Variants in USP48 observed in about 807,000 individuals in gnomAD.
USP48 encodes ubiquitin carboxyl-terminal hydrolase 48.
Under a neutral mutation model 150.7 loss-of-function variants are expected in USP48, and 43 were observed. That is an observed-to-expected ratio of 0.29 (90% CI 0.22 to 0.37). The LOEUF (loss-of-function observed/expected upper bound fraction) is 0.37. Ranked by LOEUF, USP48 falls within the 10% of genes least tolerant of loss-of-function variation. The probability of loss-of-function intolerance (pLI) is 1.00; values close to 1 mark genes in which losing one functional copy is unlikely to be tolerated. For missense variants in USP48, 813 were observed against 1,249.6 expected (o/e 0.65, Z 5.27); for synonymous variants, 396 against 425.9 (o/e 0.93, Z 0.86).
At position 21,706,731 on chromosome 1, in the gene USP48, T is replaced by C. The variant is rs377290280; in HGVS notation, c.2088+13A>G. The stretch of plus-strand genomic sequence containing the variant: ...GGCATGCCATTTCCCCAGATGTCAG[T>C]AGCGTTCAGTACCTTGCACTGTGAA... On this transcript the variant is annotated intron_variant, in intron 16 of 26. Transcript: ENST00000308271. The C allele has an allele frequency of 3.1e-6, 5 of 1,611,524 alleles. No homozygotes were observed. The African/African-American group carries it at 6.7e-5, about 22-fold the overall frequency.
intron 12 of USP48, 151 bp downstream of exon 12, chr1:21,723,747 A>G: frequency 1.4e-6 from 1 of 714,954 alleles, no homozygotes; most frequent in Non-Finnish European, 2.3e-6. Flanking sequence ...CTTAACTTCT[A>G]CTTTATTTAG....
At chr1:21,729,632 T>G in intron 10 of USP48, 72 bp downstream of exon 10, 1 of 1,541,090 alleles carries the variant, frequency 6.5e-7, no homozygotes, top group Non-Finnish European at 8.8e-7. Flanking sequence ...AAGCAATCCA[T>G]TACTTATCAT....
Position 21,729,007 on chromosome 1 carries a change from G to A in USP48, c.1301-288C>T, listed in dbSNP as rs573429871. ...CACTTTAGAATAGATGACGCCAGGC[G>A]GGCGCAGTGGCTCATACCTGTAATC... On this transcript the variant is annotated intron_variant, in intron 10 of 26. Coordinates refer to ENST00000308271, the MANE Select transcript of USP48 (RefSeq NM_032236.8). 4.6e-5 allele frequency among the ~76,000 whole-genome samples: 7 copies of A among 152,238 alleles called. No homozygotes were observed. In the East Asian group the frequency reaches 5.8e-4, roughly 13 times the overall value.
intron 1 of USP48, chr1:21,768,424 G>C (rs961276572): frequency 1.3e-5 from 2 of 152,830 alleles, no homozygotes; most frequent in Admixed American, 1.3e-4. Flanking sequence ...CCCTCACACA[G>C]AACCACAAGG....
At chr1:21,701,288 C>T (rs926791729) in intron 22 of USP48, among the ~76,000 whole-genome samples, 2 of 150,858 alleles carry the variant, frequency 1.3e-5, no homozygotes, top group Non-Finnish European at 3.0e-5. Context: ...ATCATTTAAA[C>T]CCAGGAGGCG....
intron 1 of USP48, among the ~76,000 whole-genome samples, chr1:21,774,850 G>C (rs1011118117): frequency 4.0e-5 from 6 of 151,730 alleles, no homozygotes; most frequent in Admixed American, 6.6e-5. Flanking sequence ...AATTAGCCAA[G>C]CATGGTGGCC....
intron 3 of USP48, among the ~76,000 whole-genome samples, chr1:21,753,490 G>A (rs895183469): frequency 6.6e-6 from 1 of 150,654 alleles, no homozygotes; most frequent in Admixed American, 6.6e-5. Flanking sequence ...GGGAGGAAGA[G>A]GCTGCAGTGA....
At chr1:21,706,960 C>A in intron 15 of USP48, 92 bp from the exon 16 acceptor site, 1 of 1,380,658 alleles carries the variant, frequency 7.2e-7, no homozygotes, top group South Asian at 1.4e-5. Context: ...GAAAAATCCA[C>A]AGGTACGCTT....
chr1:21,724,322 C>A, intron 11 of USP48: 1 of 604,586 alleles, frequency 1.7e-6, no homozygotes, highest in South Asian at 2.0e-5. Context: ...CTGCACAGTG[C>A]CCTATGAGAT....
At chr1:21,753,635 T>A (rs2152590603) in intron 3 of USP48, among the ~76,000 whole-genome samples, 1 of 151,710 alleles carries the variant, frequency 6.6e-6, no homozygotes, top group Admixed American at 6.6e-5. Flanking sequence ...AAGACCAGCC[T>A]GGCCAACATG....
chr1:21,740,941 T>C (rs1240874687), intron 8 of USP48, among the ~76,000 whole-genome samples: 2 of 152,082 alleles, frequency 1.3e-5, no homozygotes, highest in East Asian at 3.8e-4. Flanking sequence ...AAGTACAAGG[T>C]AGAGCTGAAG....
chr1:21,704,406 A>G lies in USP48; in HGVS notation c.2385-14T>C. 1 of 1,587,514 alleles carries G rather than the reference A, an allele frequency of 6.3e-7. No individual in the cohort carries two copies. The highest frequency in any genetic ancestry group is 1.2e-5 in the South Asian group (1 of 85,496). On this transcript the variant is annotated splice_polypyrimidine_tract_variant and intron_variant, in intron 19 of 26. Coordinates refer to ENST00000308271, the MANE Select transcript of USP48 (RefSeq NM_032236.8). Reference sequence around the variant, plus strand: ...ATGAGAGCTATACTGTGCAAAAAAAAAACACAACATGCCTTAAGACACATG... The same window carrying G: ...ATGAGAGCTATACTGTGCAAAAAAAGAACACAACATGCCTTAAGACACATG...
At chr1:21,704,536 A>C in intron 19 of USP48, 144 bp from the exon 20 acceptor site, 3 of 912,192 alleles carry the variant, frequency 3.3e-6, no homozygotes, top group Non-Finnish European at 4.6e-6. Context: ...ATCATCAACA[A>C]AGAATAGTTT....
intron 1 of USP48, among the ~76,000 whole-genome samples, chr1:21,767,809 A>C (rs1394176334): frequency 6.6e-6 from 1 of 152,214 alleles, no homozygotes; most frequent in African/African-American, 2.4e-5. Flanking sequence ...ATGATAATAT[A>C]AATTCTAGGT....
chr1:21,706,655 C>T (rs1331869548), intron 16 of USP48, 66 bp from the exon 17 acceptor site: 1 of 1,612,564 alleles, frequency 6.2e-7, no homozygotes, highest in Non-Finnish European at 8.5e-7. Context: ...CTCCCTACAC[C>T]CCCGTCAGAA....
Position 21,758,486 on chromosome 1 carries a change from G to A in USP48, c.135-703C>T, listed in dbSNP as rs115651098. Among the ~76,000 whole-genome samples the A allele has an allele frequency of 5.1e-3, 779 of 152,230 alleles. 6 individuals are homozygous for A. Among genetic ancestry groups the A allele is most frequent in the African/African-American group, 0.016 (654 of 41,546 alleles). On this transcript the variant is annotated intron_variant, in intron 1 of 26. Transcript: ENST00000308271. The stretch of plus-strand genomic sequence containing the variant: ...TAAAAGAAAATACACCTTTTCGGCC[G>A]GACACAGTGGCTCACACCTGCAATC...
chr1:21,698,874 G>A (rs763744204), intron 22 of USP48, among the ~76,000 whole-genome samples: 8 of 151,734 alleles, frequency 5.3e-5, no homozygotes, highest in African/African-American at 7.3e-5. Context: ...CAGCCTGGAC[G>A]ACAGAGCAAT....
chr1:21,713,035 TCTCCCTCACTCCCTTTCTCATTCC>T (rs1421403276), intron 15 of USP48, among the ~76,000 whole-genome samples: 4 of 152,092 alleles, frequency 2.6e-5, no homozygotes, highest in East Asian at 1.9e-4. Flanking sequence ...TTTCTTCCTC[TCTCCCTCACTCCCTTTCTCATTCC>T]CTCCCTCCCT....
At chr1:21,771,202 C>G (rs1053935517) in intron 1 of USP48, among the ~76,000 whole-genome samples, 2 of 151,598 alleles carry the variant, frequency 1.3e-5, no homozygotes, top group African/African-American at 2.4e-5. Context: ...GGTGAAACCC[C>G]GTCTCTACTA....
Sources: allele counts gnomAD v4.1 joint callset (sites outside exome capture counted in the v4.1 genomes callset), GRCh38; gene constraint gnomAD v4.1.1; transcripts MANE v1.5; gene names NCBI Gene and HGNC (gene_info 2026-07-23, HGNC 2026-07-21).